The following NDUFA13 variants were observed in gnomAD, a reference collection of about 807,000 sequenced individuals.
NDUFA13 encodes NADH dehydrogenase [ubiquinone] 1 alpha subcomplex subunit 13.
Under a neutral mutation model 17.0 loss-of-function variants are expected in NDUFA13, and 16 were observed. That is an observed-to-expected ratio of 0.94 (90% CI 0.64 to 1.43). The LOEUF is 1.43. Ranked by LOEUF, NDUFA13 falls within the 40% of genes most tolerant of loss-of-function variation. NDUFA13 has a pLI of 0.00. For missense variants in NDUFA13, 228 were observed against 206.7 expected, an observed-to-expected ratio of 1.10 and a Z score of -0.63; for synonymous variants, 87 against 78.4, an observed-to-expected ratio of 1.11 and a Z score of -0.58.
At position 19,524,512 on chromosome 19, in the gene NDUFA13, T is replaced by G. The variant is rs182446620; in HGVS notation, c.95-1670T>G. On this transcript the variant is annotated intron_variant, in intron 1 of 4. Coordinates refer to ENST00000507754, the MANE Select transcript of NDUFA13 (RefSeq NM_015965.7). ...GCCCAGGTCTGTCCCCTGGGTTCTC[T>G]GTAGCCGTGGAAAATAATGAGATAT... Among the ~76,000 whole-genome samples, 296 of 152,306 alleles carry G rather than the reference T, an allele frequency of 1.9e-3. 1 individual carries two copies. The highest frequency in any genetic ancestry group is 3.3e-3 in the Non-Finnish European group (225 of 68,030).
At chr19:19,521,838 G>A (rs1258199163) in intron 1 of NDUFA13, among the ~76,000 whole-genome samples, 1 of 151,452 alleles carries the variant, frequency 6.6e-6, no homozygotes, top group Non-Finnish European at 1.5e-5. Context: ...TCCTGACCTC[G>A]TGATCCGCCC....
chr19:19,517,241 TTTC>T, intron 1 of NDUFA13, among the ~76,000 whole-genome samples: 1 of 140,708 alleles, frequency 7.1e-6, no homozygotes, highest in African/African-American at 3.0e-5. Context: ...AATACATACA[TTTC>T]TTTTTTTTTT....
In NDUFA13 at chr19:19,528,174, C is replaced by T. The variant is rs374053358; in HGVS notation, c.*48C>T. ...GGATCCCTGCCCCTCCCCACTGGGA[C>T]GGAATAAATGCTCTGCAGACCTGGC... is the stretch of plus-strand genomic sequence containing the variant. On this transcript the variant is annotated 3_prime_UTR_variant, in exon 5 of 5. Transcript: ENST00000507754. The T allele has an allele frequency of 4.2e-5, 68 of 1,607,572 alleles. No individual in the cohort carries two copies. Among genetic ancestry groups the T allele is most frequent in the East Asian group, 2.5e-4 (11 of 44,862 alleles).
At position 19,526,126 on chromosome 19, in the gene NDUFA13, G is replaced by A. The variant is rs1340531784; in HGVS notation, c.95-56G>A. 3.7e-6 allele frequency: 6 copies of A among 1,600,782 alleles called. 1 individual carries two copies. Among genetic ancestry groups the A allele is most frequent in the Non-Finnish European group, 5.1e-6 (6 of 1,174,880 alleles). ...TGCAGAGTGGGCAGCGCCTGGAGCTGTGGAGGAGGGTGTCTGGGGGCGGGC... is the reference window on the plus strand; with the variant it reads ...TGCAGAGTGGGCAGCGCCTGGAGCTATGGAGGAGGGTGTCTGGGGGCGGGC... On this transcript the variant is annotated intron_variant, in intron 1 of 4. Transcript: ENST00000507754.
chr19:19,525,975 A>G (rs1170632042), intron 1 of NDUFA13: 11 of 1,429,640 alleles, frequency 7.7e-6, no homozygotes, highest in Non-Finnish European at 9.2e-6. Flanking sequence ...AGCAACCACC[A>G]TCTAGACCCT....
Position 19,526,170 on chromosome 19 carries a change from C to G in NDUFA13, c.95-12C>G, listed in dbSNP as rs2144644961. 2 of 1,613,548 alleles carry G rather than the reference C, an allele frequency of 1.2e-6. No individual in the cohort carries two copies. The highest frequency in any genetic ancestry group is 2.7e-5 in the African/African-American group (2 of 75,056). ...GGCGGGCTGGCCCGCTGAGCAGCGCCTCTCTTCACAGGCTACAGCATGCTG... is the reference window on the plus strand; with the variant it reads ...GGCGGGCTGGCCCGCTGAGCAGCGCGTCTCTTCACAGGCTACAGCATGCTG... On this transcript the variant is annotated splice_polypyrimidine_tract_variant and intron_variant, in intron 1 of 4. Coordinates refer to ENST00000507754, the MANE Select transcript of NDUFA13 (RefSeq NM_015965.7).
At chr19:19,522,538 G>A (rs2061082834) in intron 1 of NDUFA13, among the ~76,000 whole-genome samples, 1 of 141,194 alleles carries the variant, frequency 7.1e-6, no homozygotes, top group African/African-American at 2.7e-5. Context: ...GAGTGCAGTG[G>A]CGCGATCTAG....
chr19:19,527,162 G>GCCCCCCCC, intron 2 of NDUFA13, 119 bp from the exon 3 acceptor site: 7 of 837,462 alleles, frequency 8.4e-6, no homozygotes, highest in East Asian at 3.1e-5. Context: ...CCCCCTGCCT[G>GCCCCCCCC]CCTCCCCGCC....
intron 2 of NDUFA13, 94 bp from the exon 3 acceptor site, chr19:19,527,187 C>G: frequency 1.1e-6 from 1 of 903,650 alleles, no homozygotes; most frequent in Non-Finnish European, 1.7e-6. Flanking sequence ...TCCGCCTCTT[C>G]CCCCAGCAGC....
intron 1 of NDUFA13, among the ~76,000 whole-genome samples, chr19:19,519,761 C>CCCTGCCTCCTCTCCCTCTGTCCTCCTCT (rs2061067585): frequency 8.0e-6 from 1 of 125,620 alleles, no homozygotes; most frequent in East Asian, 1.9e-4. Context: ...AACACACAGG[C>CCCTGCCTCCTCTCCCTCTGTCCTCCTCT]CCTGCCTCCT....
At chr19:19,527,927 G>T (rs1568360842) in intron 4 of NDUFA13, 80 bp from the exon 5 acceptor site, 4 of 1,556,298 alleles carry the variant, frequency 2.6e-6, no homozygotes, top group Non-Finnish European at 2.6e-6. Context: ...ACGCACAGGG[G>T]CCACTGATCC....
intron 4 of NDUFA13, 21 bp from the exon 5 acceptor site, chr19:19,527,986 C>T: frequency 3.1e-6 from 5 of 1,612,342 alleles, no homozygotes; most frequent in Non-Finnish European, 4.2e-6. Flanking sequence ...TGCCTCTACC[C>T]ATACCCCACT....
chr19:19,521,635 C>T (rs187144543), intron 1 of NDUFA13, among the ~76,000 whole-genome samples: 1 of 10,378 alleles, frequency 9.6e-5, no homozygotes, highest in Non-Finnish European at 1.8e-4. Flanking sequence ...TGGAGTCTTG[C>T]TCTGTCGCCC....
chr19:19,526,328 C>T (rs369351235), intron 2 of NDUFA13, 68 bp downstream of exon 2: 70 of 1,556,400 alleles, frequency 4.5e-5, no homozygotes, highest in South Asian at 2.4e-4. Context: ...TGTAGCATTC[C>T]GCTGTTGTCT....
At chr19:19,525,362 G>A (rs952693161) in intron 1 of NDUFA13, among the ~76,000 whole-genome samples, 1 of 152,252 alleles carries the variant, frequency 6.6e-6, no homozygotes, top group Non-Finnish European at 1.5e-5. Context: ...TGCAGAGCAG[G>A]GCCCGGCAGG....
chr19:19,520,656 G>T (rs1166814473), intron 1 of NDUFA13, among the ~76,000 whole-genome samples: 1 of 152,110 alleles, frequency 6.6e-6, no homozygotes, highest in Non-Finnish European at 1.5e-5. Context: ...ATATAGTGAA[G>T]TGTGTCCAAT....
At position 19,523,605 on chromosome 19, in the gene NDUFA13, C is replaced by T. The variant is rs760738456; in HGVS notation, c.95-2577C>T. On this transcript the variant is annotated intron_variant, in intron 1 of 4. Transcript: ENST00000507754. ...ACCCAAGTAGGTGGGACCACAGATA[C>T]GTGCCACCACATCTAGCTAATTTAA... is the stretch of plus-strand genomic sequence containing the variant. Among the ~76,000 whole-genome samples, 8 of 151,842 alleles carry T rather than the reference C, an allele frequency of 5.3e-5. 1 individual carries two copies. The highest frequency in any genetic ancestry group is 4.2e-4 in the South Asian group (2 of 4,770).
chr19:19,516,696 C>G (rs567521773), intron 1 of NDUFA13, among the ~76,000 whole-genome samples: 6 of 152,240 alleles, frequency 3.9e-5, no homozygotes, highest in African/African-American at 1.4e-4. Context: ...CAACCCGGAA[C>G]CTGGAGGGAA....
chr19:19,518,825 C>T (rs2061062952), intron 1 of NDUFA13, among the ~76,000 whole-genome samples: 3 of 148,828 alleles, frequency 2.0e-5, no homozygotes, highest in Non-Finnish European at 4.4e-5. Flanking sequence ...TCACCGCAAC[C>T]TCTGCCTCCC....
Sources: allele counts gnomAD v4.1 joint callset (sites outside exome capture counted in the v4.1 genomes callset), GRCh38; gene constraint gnomAD v4.1.1; transcripts MANE v1.5; gene names NCBI Gene and HGNC (gene_info 2026-07-23, HGNC 2026-07-21).